The following EPB41L5 variants were observed in gnomAD, a reference collection of about 807,000 sequenced individuals.
The protein encoded by EPB41L5 is band 4.1-like protein 5.
Under a neutral mutation model 106.6 loss-of-function variants are expected in EPB41L5, and 55 were observed. The ratio of observed to expected loss-of-function variants is 0.52; its 90% CI spans 0.42 to 0.65. EPB41L5 has a LOEUF of 0.65. Among genes scored for constraint, EPB41L5 ranks in the 30% least tolerant of loss-of-function variants. The pLI, the probability that EPB41L5 is intolerant of heterozygous loss-of-function variation, is 0.00. For missense variants in EPB41L5, 871 were observed against 882.1 expected (o/e 0.99, Z 0.16); for synonymous variants, 297 against 306.7 (o/e 0.97, Z 0.33).
Position 120,100,726 on chromosome 2 carries a change from G to A in EPB41L5, c.1249G>A (p.Val417Met). Residue 417 changes from valine (V) to methionine (M), a missense_variant, in exon 16 of 25, where the codon GTG becomes ATG. Coordinates refer to ENST00000263713, the MANE Select transcript of EPB41L5 (RefSeq NM_020909.4). ...QAWGMRSALP[V>M]SPSISSAPVP... is the part of the protein sequence containing the mutation. Reference sequence around the variant, plus strand: ...TTGGGGGATGAGATCTGCTCTGCCTGTGAGTCCTTCCATTTCCTCTGCTCC... The same window carrying A: ...TTGGGGGATGAGATCTGCTCTGCCTATGAGTCCTTCCATTTCCTCTGCTCC... 1.9e-6 allele frequency: 3 copies of A among 1,613,934 alleles called. No homozygotes were observed. Among genetic ancestry groups the A allele is most frequent in the Non-Finnish European group, 2.5e-6 (3 of 1,179,890 alleles).
At chr2:120,068,039 C>T (rs1681567492) in intron 3 of EPB41L5, among the ~76,000 whole-genome samples, 1 of 152,144 alleles carries the variant, frequency 6.6e-6, no homozygotes. Flanking sequence ...GTGAGATCAA[C>T]GTGGAAGGCG....
At chr2:120,082,356 A>G (rs1327005394) in intron 10 of EPB41L5, among the ~76,000 whole-genome samples, 1 of 152,116 alleles carries the variant, frequency 6.6e-6, no homozygotes, top group African/African-American at 2.4e-5. Context: ...TTCTGCATCT[A>G]TTGAGATAAT....
intron 1 of EPB41L5, among the ~76,000 whole-genome samples, chr2:120,015,558 G>A (rs1036390976): frequency 2.0e-5 from 3 of 152,238 alleles, no homozygotes; most frequent in African/African-American, 7.2e-5. Context: ...TCCCATCTCC[G>A]TGTAGGATGA....
intron 22 of EPB41L5, among the ~76,000 whole-genome samples, chr2:120,165,731 GC>G (rs1687369188): frequency 6.6e-6 from 1 of 152,142 alleles, no homozygotes; most frequent in Non-Finnish European, 1.5e-5. Flanking sequence ...ACTTTGGGAG[GC>G]CGAGGTGGGC....
At chr2:120,163,885 G>C (rs1377859234) in intron 21 of EPB41L5, among the ~76,000 whole-genome samples, 1 of 151,686 alleles carries the variant, frequency 6.6e-6, no homozygotes, top group Admixed American at 6.6e-5. Context: ...CCAGCATTTT[G>C]GGGCTGCGGT....
At chr2:120,084,790 G>A (rs544262378) in intron 10 of EPB41L5, among the ~76,000 whole-genome samples, 19 of 152,130 alleles carry the variant, frequency 1.2e-4, no homozygotes, top group Admixed American at 4.6e-4. Flanking sequence ...GTCTCTTTAC[G>A]TAGTCCCATA....
rs1468734780 is a variant in EPB41L5 at position 120,179,005 on chromosome 2, T to G, written c.*4098T>G. On this transcript the variant is annotated 3_prime_UTR_variant, in exon 25 of 25. Coordinates refer to ENST00000263713, the MANE Select transcript of EPB41L5 (RefSeq NM_020909.4). ...TTTTCTATCAAGTGCACTATTCATT[T>G]AGTGTGTTCCAGTTTTATATGACTT... 1 of 152,248 alleles carries G rather than the reference T, an allele frequency of 6.6e-6. No homozygotes were observed. The highest frequency in any genetic ancestry group is 1.5e-5 in the Non-Finnish European group (1 of 68,036). 9.4% of individuals were successfully genotyped at this position (152,248 alleles called of 1,614,324 possible). A position where few individuals can be genotyped will look rare whatever the true frequency, so the allele number is the denominator to read the frequency against.
chr2:120,122,338 AAATT>A (rs1187895600), intron 16 of EPB41L5, among the ~76,000 whole-genome samples: 4 of 152,074 alleles, frequency 2.6e-5, no homozygotes, highest in Non-Finnish European at 4.4e-5. Context: ...AATCCATCAT[AAATT>A]AATTTTTGTA....
chr2:120,058,518 T>C (rs1218318133), intron 3 of EPB41L5, among the ~76,000 whole-genome samples: 3 of 152,206 alleles, frequency 2.0e-5, no homozygotes, highest in Non-Finnish European at 4.4e-5. Flanking sequence ...GAAATATAGA[T>C]AGCGTGATGA....
At chr2:120,043,027 G>A (rs184172598) in intron 3 of EPB41L5, among the ~76,000 whole-genome samples, 213 of 150,730 alleles carry the variant, frequency 1.4e-3, no homozygotes, top group Non-Finnish European at 2.6e-3. Context: ...GTGTGTGTGT[G>A]TGTGTGTGTG....
In EPB41L5 at chr2:120,109,895, G is replaced by A. The variant is rs73952034; in HGVS notation, c.1337+9081G>A. On this transcript the variant is annotated intron_variant, in intron 16 of 24. Transcript: ENST00000263713. ...ACAGAGGACTGGGTATGATTGTGCA[G>A]ATTGCATACTGTACAAGAGTGCCAC... is the stretch of plus-strand genomic sequence containing the variant. Among the ~76,000 whole-genome samples, 792 of 152,324 alleles carry A rather than the reference G, an allele frequency of 5.2e-3. 4 individuals are homozygous for A. Among genetic ancestry groups the A allele is most frequent in the African/African-American group, 0.018 (762 of 41,558 alleles).
intron 24 of EPB41L5, 121 bp from the exon 25 acceptor site, chr2:120,174,720 T>A: frequency 1.2e-6 from 1 of 808,958 alleles, no homozygotes; most frequent in Non-Finnish European, 2.2e-6. Flanking sequence ...TTACTACATA[T>A]TGACTTAGGT....
intron 21 of EPB41L5, among the ~76,000 whole-genome samples, chr2:120,163,271 C>CAAA (rs1558915300): frequency 8.3e-6 from 1 of 120,084 alleles, no homozygotes; most frequent in Non-Finnish European, 1.9e-5. Flanking sequence ...CCCCCCCCCC[C>CAAA]CAAAAAAAGA....
chr2:120,121,352 C>T (rs932679013), intron 16 of EPB41L5, among the ~76,000 whole-genome samples: 2 of 152,124 alleles, frequency 1.3e-5, no homozygotes, highest in Admixed American at 1.3e-4. Context: ...ATCCCTCCCC[C>T]ACTCCCCCTC....
intron 20 of EPB41L5, among the ~76,000 whole-genome samples, chr2:120,151,377 GATAA>G (rs1686666429): frequency 6.6e-6 from 1 of 151,994 alleles, no homozygotes; most frequent in African/African-American, 2.4e-5. Context: ...CAGAATACAA[GATAA>G]ATACACAAAA....
rs531193904 is a variant in EPB41L5, at chr2:120,041,917, G to C, written c.181-89G>C. 50 of 885,620 alleles carry C rather than the reference G, an allele frequency of 5.6e-5. No individual in the cohort carries two copies. In the Admixed American group the frequency reaches 7.6e-4, roughly 13 times the overall value. 54.9% of individuals were successfully genotyped at this position (885,620 alleles called of 1,614,324 possible). ...GTATTGCAAGTCCTCCTTTCTTCAA[G>C]AGATCTTGTATAACTAAAACCTTCT... On this transcript the variant is annotated intron_variant, in intron 2 of 24. Transcript: ENST00000263713.
intron 2 of EPB41L5, among the ~76,000 whole-genome samples, chr2:120,035,596 C>T (rs1303037412): frequency 6.6e-6 from 1 of 152,094 alleles, no homozygotes; most frequent in Non-Finnish European, 1.5e-5. Flanking sequence ...CTTAAGGCCA[C>T]GAGTTTGAGG....
chr2:120,121,265 A>G (rs1452398181), intron 16 of EPB41L5, among the ~76,000 whole-genome samples: 1 of 152,186 alleles, frequency 6.6e-6, no homozygotes, highest in African/African-American at 2.4e-5. Flanking sequence ...CATGTTTGAT[A>G]CGTAGGTATA....
chr2:120,058,032 C>T (rs1311416118), intron 3 of EPB41L5, among the ~76,000 whole-genome samples: 1 of 151,890 alleles, frequency 6.6e-6, no homozygotes, highest in Admixed American at 6.6e-5. Flanking sequence ...TTTACATGGA[C>T]CAGGCAGGAG....
Sources: allele counts gnomAD v4.1 joint callset (sites outside exome capture counted in the v4.1 genomes callset), GRCh38; gene constraint gnomAD v4.1.1; transcripts MANE v1.5; gene names NCBI Gene and HGNC (gene_info 2026-07-23, HGNC 2026-07-21).